Variants in GDPD1 observed in about 807,000 individuals in gnomAD.
GDPD1 encodes the protein glycerophosphodiester phosphodiesterase domain containing 1, also known as lysophospholipase D GDPD1.
In GDPD1, 28 loss-of-function variants were observed where a neutral mutation model predicts 45.1. The ratio of observed to expected loss-of-function variants is 0.62; its 90% CI spans 0.46 to 0.85. The LOEUF (loss-of-function observed/expected upper bound fraction) is 0.85. GDPD1 is among the 40% of genes least tolerant of loss of function. GDPD1 has a pLI of 0.00. For missense variants in GDPD1, 256 were observed against 364.8 expected (o/e 0.70, Z 2.43); for synonymous variants, 139 against 131.4 (o/e 1.06, Z -0.40).
In GDPD1 at chr17:59,220,554, G is replaced by T; in HGVS notation, c.-56G>T. On this transcript the variant is annotated 5_prime_UTR_variant, in exon 1 of 10. Transcript: ENST00000284116. ...CGCCGCCGCCGCCGTCGTTGCTACT[G>T]CCGCAGCGGAGTTCAGAGGGCCCGG... The T allele has an allele frequency of 6.4e-7, 1 of 1,572,604 alleles. No individual in the cohort carries two copies. The highest frequency in any genetic ancestry group is 8.6e-7 in the Non-Finnish European group (1 of 1,157,308).
At chr17:59,237,046 TTTTTG>T (rs540491375) in intron 2 of GDPD1, among the ~76,000 whole-genome samples, 1 of 152,178 alleles carries the variant, frequency 6.6e-6, no homozygotes, top group African/African-American at 2.4e-5. Flanking sequence ...AGAAGGTTTT[TTTTTG>T]TTTTGTTTTG....
At chr17:59,257,283 T>G (rs759194410) in intron 5 of GDPD1, 43 bp downstream of exon 5, 1 of 979,074 alleles carries the variant, frequency 1.0e-6, no homozygotes, top group Non-Finnish European at 1.6e-6. Context: ...GCATCCTATT[T>G]CACAAACTAA....
rs1368277811 is a variant in GDPD1, at chr17:59,273,812, G to A, written c.*39G>A. 1.3e-6 allele frequency: 2 copies of A among 1,506,854 alleles called. No homozygotes were observed. The highest frequency in any genetic ancestry group is 2.4e-5 in the Admixed American group (1 of 42,226). The allele number at this position is 1,506,854 out of a possible 1,614,324, so 93.3% of individuals were successfully genotyped here. ...TAGAAGTATTGAAGGAAAAAATGAA[G>A]ACCTAAGAAAAAAATATTTCATGAT... is the stretch of plus-strand genomic sequence containing the variant. On this transcript the variant is annotated 3_prime_UTR_variant, in exon 10 of 10. Coordinates refer to ENST00000284116, the MANE Select transcript of GDPD1 (RefSeq NM_182569.4).
intron 2 of GDPD1, among the ~76,000 whole-genome samples, chr17:59,241,354 G>A (rs1035293514): frequency 1.3e-5 from 2 of 152,106 alleles, no homozygotes; most frequent in African/African-American, 2.4e-5. Context: ...TTTCGCTTTT[G>A]TCGCCCAAGC....
Position 59,274,880 on chromosome 17 carries a change from C to T in GDPD1, c.*1107C>T, listed in dbSNP as rs1249704866. Among the ~76,000 whole-genome samples, 32 of 145,374 alleles carry T rather than the reference C, an allele frequency of 2.2e-4. No individual in the cohort carries two copies. The highest frequency in any genetic ancestry group is 9.0e-5 in the Non-Finnish European group (6 of 66,646). On this transcript the variant is annotated 3_prime_UTR_variant, in exon 10 of 10. Transcript: ENST00000284116. ...TTTTTGACATGTAGTCTTGCTCTGT[C>T]GCCGAGGCCGGAGTGCAGTGGTGCG...
chr17:59,224,689 G>A (rs2047034153), intron 1 of GDPD1, among the ~76,000 whole-genome samples: 1 of 151,858 alleles, frequency 6.6e-6, no homozygotes, highest in Non-Finnish European at 1.5e-5. Context: ...GGGTGTGATG[G>A]TGCCTACCTG....
At chr17:59,246,658 G>A (rs2047213331) in intron 3 of GDPD1, among the ~76,000 whole-genome samples, 1 of 117,970 alleles carries the variant, frequency 8.5e-6, no homozygotes, top group South Asian at 3.1e-4. Flanking sequence ...GCAGTGACCC[G>A]AGATCGTGCC....
At chr17:59,237,832 G>A (rs1359388244) in intron 2 of GDPD1, among the ~76,000 whole-genome samples, 1 of 152,002 alleles carries the variant, frequency 6.6e-6, no homozygotes, top group African/African-American at 2.4e-5. Context: ...CACTTTGTGG[G>A]GCCAAGGCAG....
chr17:59,234,389 A>C (rs1359905053), intron 1 of GDPD1, 103 bp from the exon 2 acceptor site: 1,221 of 532,472 alleles, frequency 2.3e-3, no homozygotes, highest in South Asian at 8.5e-3. Flanking sequence ...TCTACCCCCA[A>C]AAAAAAAAAA....
At chr17:59,227,640 A>T (rs1296523203) in intron 1 of GDPD1, among the ~76,000 whole-genome samples, 1 of 152,102 alleles carries the variant, frequency 6.6e-6, no homozygotes, top group Non-Finnish European at 1.5e-5. Context: ...AGTAATAATA[A>T]TTCTAATAAT....
At chr17:59,241,413 G>A (rs1447000122) in intron 2 of GDPD1, among the ~76,000 whole-genome samples, 2 of 152,072 alleles carry the variant, frequency 1.3e-5, no homozygotes, top group African/African-American at 4.8e-5. Flanking sequence ...TGCCTCCCGG[G>A]TTCAAGCAAT....
intron 4 of GDPD1, 51 bp downstream of exon 4, chr17:59,248,836 T>C: frequency 7.6e-7 from 1 of 1,319,576 alleles, no homozygotes. Flanking sequence ...AGCATATGTG[T>C]GTTTTCTTGT....
intron 7 of GDPD1, among the ~76,000 whole-genome samples, chr17:59,268,535 C>T (rs1254349974): frequency 8.4e-5 from 12 of 143,648 alleles, no homozygotes; most frequent in Non-Finnish European, 7.5e-5. Context: ...GCGGAGATTG[C>T]GCCACTGCAC....
At chr17:59,228,743 T>C (rs919101330) in intron 1 of GDPD1, among the ~76,000 whole-genome samples, 4 of 151,458 alleles carry the variant, frequency 2.6e-5, no homozygotes, top group Non-Finnish European at 5.9e-5. Context: ...TAGCTGAGCA[T>C]GGTGGCATGT....
At chr17:59,246,424 G>A (rs1045767044) in intron 3 of GDPD1, among the ~76,000 whole-genome samples, 3 of 151,982 alleles carry the variant, frequency 2.0e-5, no homozygotes, top group Non-Finnish European at 4.4e-5. Context: ...TTCGAGACTA[G>A]CCTGGCCAAC....
chr17:59,246,942 A>G (rs938711120), intron 3 of GDPD1, among the ~76,000 whole-genome samples: 45 of 151,252 alleles, frequency 3.0e-4, no homozygotes, highest in Middle Eastern at 3.2e-3. Flanking sequence ...TAATTTTTGT[A>G]TTTTTAGTAG....
intron 4 of GDPD1, among the ~76,000 whole-genome samples, chr17:59,254,057 C>G (rs2047276514): frequency 9.2e-6 from 1 of 108,364 alleles, no homozygotes; most frequent in East Asian, 2.9e-4. Flanking sequence ...TTCATCTCTA[C>G]TTAAAAAAAA....
intron 4 of GDPD1, among the ~76,000 whole-genome samples, chr17:59,254,501 G>A (rs1299044495): frequency 2.0e-5 from 3 of 152,086 alleles, no homozygotes; most frequent in Non-Finnish European, 4.4e-5. Flanking sequence ...CTGCACTCCA[G>A]CCTGGGTGAC....
At chr17:59,262,715 C>A (rs1206908209) in intron 6 of GDPD1, among the ~76,000 whole-genome samples, 1 of 151,590 alleles carries the variant, frequency 6.6e-6, no homozygotes, top group Non-Finnish European at 1.5e-5. Flanking sequence ...GCAACCTCCG[C>A]CTTCCGGGTT....
Sources: allele counts gnomAD v4.1 joint callset (sites outside exome capture counted in the v4.1 genomes callset), GRCh38; gene constraint gnomAD v4.1.1; transcripts MANE v1.5; gene names NCBI Gene and HGNC (gene_info 2026-07-23, HGNC 2026-07-21).